Variants in PCSK2 observed in about 807,000 individuals in gnomAD.
PCSK2 encodes neuroendocrine convertase 2.
In PCSK2, 14 loss-of-function variants were observed where a neutral mutation model predicts 69.7. That is an observed-to-expected ratio of 0.20 (90% CI 0.13 to 0.31). The LOEUF is 0.31. Ranked by LOEUF, PCSK2 falls within the 10% of genes least tolerant of loss-of-function variation. The probability of loss-of-function intolerance (pLI) is 1.00; values close to 1 mark genes in which losing one functional copy is unlikely to be tolerated. For missense variants in PCSK2, 544 were observed against 842.5 expected (o/e 0.65, Z 4.39); for synonymous variants, 307 against 320.7 (o/e 0.96, Z 0.46).
At chr20:17,289,310 C>T (rs1988618644) in intron 2 of PCSK2, among the ~76,000 whole-genome samples, 1 of 151,988 alleles carries the variant, frequency 6.6e-6, no homozygotes, top group Admixed American at 6.6e-5. Flanking sequence ...AAAAAAATAA[C>T]ACAGCAAGTC....
intron 2 of PCSK2, among the ~76,000 whole-genome samples, chr20:17,322,643 T>C (rs1165557193): frequency 6.6e-6 from 1 of 152,206 alleles, no homozygotes; most frequent in Non-Finnish European, 1.5e-5. Flanking sequence ...CCAGCAGTTA[T>C]GGGGTCTGTC....
chr20:17,422,481 C>A (rs187709717), intron 6 of PCSK2, among the ~76,000 whole-genome samples: 29 of 152,152 alleles, frequency 1.9e-4, no homozygotes, highest in Non-Finnish European at 2.8e-4. Flanking sequence ...ATAAAGATAT[C>A]ATATCAAATT....
chr20:17,239,555 C>T (rs571078671), intron 1 of PCSK2, among the ~76,000 whole-genome samples: 1 of 152,206 alleles, frequency 6.6e-6, no homozygotes, highest in Non-Finnish European at 1.5e-5. Context: ...ACAAACCATT[C>T]TGGCCATAAA....
intron 1 of PCSK2, among the ~76,000 whole-genome samples, chr20:17,250,003 T>C (rs189315576): frequency 2.1e-4 from 32 of 152,312 alleles, no homozygotes; most frequent in Non-Finnish European, 2.8e-4. Context: ...ATGTTATATA[T>C]ATTTATCACA....
At chr20:17,444,064 G>T (rs2123364321) in intron 8 of PCSK2, among the ~76,000 whole-genome samples, 1 of 152,318 alleles carries the variant, frequency 6.6e-6, no homozygotes. Flanking sequence ...AGGGTTCATT[G>T]TGCATTAGCG....
rs2123213826 is a variant in PCSK2 at position 17,360,543 on chromosome 20, G to A, written c.408G>A (p.Gly136=). 3 of 1,608,746 alleles carry A rather than the reference G, an allele frequency of 1.9e-6. No homozygotes were observed. Among genetic ancestry groups the A allele is most frequent in the East Asian group, 2.2e-5 (1 of 44,756 alleles). Residue 136 remains glycine (G), a synonymous_variant, in exon 4 of 12, where the codon GGG becomes GGA. Transcript: ENST00000262545. The part of the protein sequence containing the change: ...FTKQWYLINT[G]QADGTPGLDL... The stretch of plus-strand genomic sequence containing the variant: ...AATTCCTGTACCAGATCAATACTGG[G>A]CAAGCTGATGGCACTCCTGGCCTTG...
At chr20:17,241,840 A>G (rs1021470077) in intron 1 of PCSK2, among the ~76,000 whole-genome samples, 1 of 152,250 alleles carries the variant, frequency 6.6e-6, no homozygotes, top group Non-Finnish European at 1.5e-5. Context: ...GTGTATCACC[A>G]TGATCCTAGC....
chr20:17,260,553 G>T (rs1002125067), intron 2 of PCSK2, among the ~76,000 whole-genome samples: 12 of 152,206 alleles, frequency 7.9e-5, no homozygotes, highest in Admixed American at 7.9e-4. Flanking sequence ...TGTATGGCTG[G>T]AGGAAGAGGA....
chr20:17,475,805 A>G (rs1306741774), intron 11 of PCSK2, among the ~76,000 whole-genome samples: 1 of 152,190 alleles, frequency 6.6e-6, no homozygotes, highest in East Asian at 1.9e-4. Context: ...GTGATGTTTT[A>G]TAATATCTAT....
chr20:17,338,174 G>T lies in PCSK2; in HGVS notation c.283-20153G>T, dbSNP rs569073562. On this transcript the variant is annotated intron_variant, in intron 2 of 11. Coordinates refer to ENST00000262545, the MANE Select transcript of PCSK2 (RefSeq NM_002594.5). ...AGAAGAAACCTTACATTTTTTTTGG[G>T]GGGGGGGGTTGTGTTTTTGTTTTTT... is the stretch of plus-strand genomic sequence containing the variant. Among the ~76,000 whole-genome samples the T allele has an allele frequency of 8.5e-4, 123 of 144,528 alleles. 5 individuals carry two copies. Among genetic ancestry groups the T allele is most frequent in the Admixed American group, 6.0e-3 (88 of 14,668 alleles). The allele number at this position is 144,528 out of a possible 152,430, so 94.8% of individuals were successfully genotyped here.
At chr20:17,474,935 TGTG>T (rs1192574247) in intron 11 of PCSK2, among the ~76,000 whole-genome samples, 1 of 152,110 alleles carries the variant, frequency 6.6e-6, no homozygotes, top group Non-Finnish European at 1.5e-5. Context: ...TGCAGAGGGA[TGTG>T]GTAATCAGTT....
chr20:17,438,450 TG>T (rs1289964325), intron 8 of PCSK2, among the ~76,000 whole-genome samples: 1 of 152,160 alleles, frequency 6.6e-6, no homozygotes, highest in African/African-American at 2.4e-5. Context: ...AGAAAACATG[TG>T]TTTTCCTGCC....
Position 17,476,819 on chromosome 20 carries a change from C to T in PCSK2, c.1431-4765C>T, listed in dbSNP as rs545899765. Among the ~76,000 whole-genome samples the T allele has an allele frequency of 4.6e-5, 7 of 152,316 alleles. No individual in the cohort carries two copies. In the East Asian group the frequency reaches 1.4e-3, roughly 29 times the overall value. ...CTGATCTTGTTCTGAATAAATAGCA[C>T]CATCTTTGAGAAATCCAGGTTATGG... On this transcript the variant is annotated intron_variant, in intron 11 of 11. Coordinates refer to ENST00000262545, the MANE Select transcript of PCSK2 (RefSeq NM_002594.5).
At chr20:17,404,500 A>G (rs1165156041) in intron 5 of PCSK2, among the ~76,000 whole-genome samples, 1 of 152,162 alleles carries the variant, frequency 6.6e-6, no homozygotes, top group Admixed American at 6.5e-5. Context: ...CACCATCGCA[A>G]TGTAATGCTC....
intron 2 of PCSK2, among the ~76,000 whole-genome samples, chr20:17,346,234 C>T (rs995602298): frequency 4.6e-5 from 7 of 152,194 alleles, no homozygotes; most frequent in African/African-American, 1.7e-4. Context: ...GCCATTCATT[C>T]CTAGCCAGGT....
intron 1 of PCSK2, among the ~76,000 whole-genome samples, chr20:17,253,236 C>T (rs1208229953): frequency 1.3e-5 from 2 of 152,120 alleles, no homozygotes; most frequent in African/African-American, 4.8e-5. Flanking sequence ...TAAAATTTAT[C>T]CTCTAAAAAT....
intron 5 of PCSK2, among the ~76,000 whole-genome samples, chr20:17,402,488 T>A (rs2031660630): frequency 6.6e-6 from 1 of 150,840 alleles, no homozygotes; most frequent in African/African-American, 2.4e-5. Context: ...CTGGCCAACA[T>A]GGCAAAACCC....
intron 2 of PCSK2, among the ~76,000 whole-genome samples, chr20:17,330,546 G>A (rs995058991): frequency 1.3e-5 from 2 of 152,118 alleles, no homozygotes; most frequent in Non-Finnish European, 2.9e-5. Flanking sequence ...GAATCAGGGA[G>A]GCAGAGGTTG....
At chr20:17,348,552 G>C (rs1213204942) in intron 2 of PCSK2, among the ~76,000 whole-genome samples, 1 of 152,206 alleles carries the variant, frequency 6.6e-6, no homozygotes, top group South Asian at 2.1e-4. Context: ...GACTGCTGGA[G>C]TGTCGTGTCA....
Sources: allele counts gnomAD v4.1 joint callset (sites outside exome capture counted in the v4.1 genomes callset), GRCh38; gene constraint gnomAD v4.1.1; transcripts MANE v1.5; gene names NCBI Gene and HGNC (gene_info 2026-07-23, HGNC 2026-07-21).